ALPK1: variants seen among roughly 807,000 people sequenced by gnomAD.
ALPK1 encodes the protein alpha kinase 1.
ALPK1 carries 110 observed loss-of-function variants against 120.6 expected under a neutral mutation model. That is an observed-to-expected ratio of 0.91 (90% CI 0.78 to 1.07). The LOEUF (loss-of-function observed/expected upper bound fraction) is 1.07, where lower values mean the gene tolerates loss of function less well. Among genes scored for constraint, ALPK1 ranks in the 50% least tolerant of loss-of-function variants. The probability of loss-of-function intolerance (pLI) is 0.00; values close to 1 mark genes in which losing one functional copy is unlikely to be tolerated. For synonymous variants in ALPK1, 582 were observed against 560.3 expected (o/e 1.04, Z -0.55); for missense variants, 1,498 against 1,483.9 (o/e 1.01, Z -0.16).
chr4:112,301,393 G>C (rs959277930), intron 1 of ALPK1, among the ~76,000 whole-genome samples: 7 of 152,108 alleles, frequency 4.6e-5, no homozygotes, highest in African/African-American at 1.7e-4. Flanking sequence ...CTTGGTTTAG[G>C]CTTCTGAAGG....
At chr4:112,308,702 T>G (rs1327773803) in intron 1 of ALPK1, among the ~76,000 whole-genome samples, 1 of 152,124 alleles carries the variant, frequency 6.6e-6, no homozygotes, top group Non-Finnish European at 1.5e-5. Context: ...AACTTCCTCC[T>G]TTAGCTCAGA....
intron 2 of ALPK1, among the ~76,000 whole-genome samples, chr4:112,376,064 G>GC (rs1293372920): frequency 2.6e-5 from 4 of 152,138 alleles, no homozygotes; most frequent in Non-Finnish European, 5.9e-5. Flanking sequence ...CTGGCTCCCA[G>GC]ACAGTTTGTG....
intron 2 of ALPK1, among the ~76,000 whole-genome samples, chr4:112,367,174 A>T (rs964920920): frequency 4.6e-5 from 7 of 152,198 alleles, no homozygotes; most frequent in Non-Finnish European, 1.0e-4. Context: ...GCCAAACACC[A>T]CCTGTTCCCC....
chr4:112,389,205 C>T (rs1732290825), intron 4 of ALPK1, among the ~76,000 whole-genome samples: 4 of 152,112 alleles, frequency 2.6e-5, no homozygotes, highest in Admixed American at 2.6e-4. Context: ...CCACCACTCC[C>T]AGCCAATTTT....
intron 5 of ALPK1, among the ~76,000 whole-genome samples, chr4:112,419,915 C>T (rs763500768): frequency 2.0e-5 from 3 of 152,128 alleles, no homozygotes; most frequent in African/African-American, 4.8e-5. Flanking sequence ...GAACAATGTC[C>T]GTCACATAGT....
At chr4:112,304,532 G>A (rs1486137574) in intron 1 of ALPK1, among the ~76,000 whole-genome samples, 1 of 152,060 alleles carries the variant, frequency 6.6e-6, no homozygotes, top group Non-Finnish European at 1.5e-5. Flanking sequence ...GTGTCTGTTG[G>A]CTGCATAAAT....
At chr4:112,390,522 G>A (rs1254878572) in intron 4 of ALPK1, among the ~76,000 whole-genome samples, 2 of 152,168 alleles carry the variant, frequency 1.3e-5, no homozygotes, top group Non-Finnish European at 2.9e-5. Context: ...TGAGGTCAGG[G>A]CCTTATCTGT....
chr4:112,308,781 T>C (rs28796675), intron 1 of ALPK1, among the ~76,000 whole-genome samples: 7,043 of 152,150 alleles, frequency 0.046, 536 homozygotes, highest in African/African-American at 0.15. Flanking sequence ...CTTTGTTCTG[T>C]TGCTGGAGAG....
At chr4:112,358,266 C>G (rs975482976) in intron 2 of ALPK1, 29 of 589,868 alleles carry the variant, frequency 4.9e-5, no homozygotes, top group Non-Finnish European at 8.3e-5. Flanking sequence ...CAGCTGCCCT[C>G]CTGGGTGCGT....
chr4:112,371,922 A>T (rs1731427551), intron 2 of ALPK1, among the ~76,000 whole-genome samples: 1 of 152,244 alleles, frequency 6.6e-6, no homozygotes, highest in Admixed American at 6.5e-5. Context: ...CTGAGTATGT[A>T]ATTTAAGAGC....
chr4:112,313,521 G>T (rs1177561773), intron 1 of ALPK1, among the ~76,000 whole-genome samples: 3 of 152,204 alleles, frequency 2.0e-5, no homozygotes, highest in African/African-American at 2.4e-5. Context: ...TCAGGAGTTC[G>T]AGACCAGACT....
At chr4:112,355,949 G>C (rs1443793647) in intron 2 of ALPK1, among the ~76,000 whole-genome samples, 1 of 152,250 alleles carries the variant, frequency 6.6e-6, no homozygotes, top group East Asian at 1.9e-4. Context: ...AGGCTGGCCG[G>C]GGAGACAAGA....
rs1734577201 is a variant in ALPK1 at position 112,431,902 on chromosome 4, T to C, written c.2355T>C (p.Val785=). The change falls in exon 11 of 16, where the codon GTT becomes GTC. Residue 785 remains valine (V), a synonymous_variant. Coordinates refer to ENST00000650871, the MANE Select transcript of ALPK1 (RefSeq NM_025144.4). The part of the protein sequence containing the change: ...GPTFKASPSW[V]DPEGETAEST... ...CATTTAAAGCTAGTCCCTCCTGGGTTGACCCAGAAGGAGAAACAGCAGAAA... is the reference window on the plus strand; with the variant it reads ...CATTTAAAGCTAGTCCCTCCTGGGTCGACCCAGAAGGAGAAACAGCAGAAA... 1.2e-6 allele frequency: 2 copies of C among 1,613,926 alleles called. No homozygotes were observed. Among genetic ancestry groups the C allele is most frequent in the South Asian group, 1.1e-5 (1 of 91,094 alleles).
chr4:112,440,812 A>AGAGTGTGTGTGT, intron 14 of ALPK1, 105 bp from the exon 15 acceptor site: 1 of 1,327,248 alleles, frequency 7.5e-7, no homozygotes, highest in Admixed American at 2.9e-5. Context: ...TATCTCTTTA[A>AGAGTGTGTGTGT]GTGTGTGTGT....
rs546335367 is a variant in ALPK1, at chr4:112,439,863, G to A, written c.3529G>A (p.Asp1177Asn). 13 of 1,595,414 alleles carry A rather than the reference G, an allele frequency of 8.1e-6. No homozygotes were observed. Among genetic ancestry groups the A allele is most frequent in the South Asian group, 4.6e-5 (4 of 86,080 alleles). The stretch of plus-strand genomic sequence containing the variant: ...TTCTAATCATAGAGATGTTGTGGTC[G>A]ATTTACAAGGTATGTGAAACTGGGA... Reference protein sequence around the residue: ...EFSNHRDVVVDLQGWVTGNGK... With the variant: ...EFSNHRDVVVNLQGWVTGNGK... Residue 1177 changes from aspartate to asparagine, a missense_variant, in exon 14 of 16, where the codon GAT becomes AAT. Transcript: ENST00000650871.
intron 1 of ALPK1, among the ~76,000 whole-genome samples, chr4:112,311,926 T>A (rs1356033190): frequency 1.3e-5 from 2 of 152,106 alleles, no homozygotes; most frequent in African/African-American, 4.8e-5. Flanking sequence ...CCAAGTTAAC[T>A]GTAACATGAG....
intron 2 of ALPK1, among the ~76,000 whole-genome samples, chr4:112,341,997 C>T (rs1204037569): frequency 1.3e-5 from 2 of 152,116 alleles, no homozygotes; most frequent in Admixed American, 6.6e-5. Flanking sequence ...ATTTGACTTC[C>T]TCTAGAAGCA....
At position 112,431,820 on chromosome 4, in the gene ALPK1, A is replaced by G. The variant is rs1345600596; in HGVS notation, c.2273A>G (p.Lys758Arg). The change falls in exon 11 of 16, where the codon AAA (lysine) becomes AGA (arginine). Residue 758 changes from lysine to arginine, a missense_variant. Lys to Arg is a conservative substitution (Grantham distance 26, BLOSUM62 2). Transcript: ENST00000650871. ...VEFPETNCDV[K>R]DRQGKEQGEE... ...TTTCCAGAAACCAACTGCGATGTCA[A>G]AGACAGGCAGGGGAAAGAGCAGGGA... 1 of 1,614,172 alleles carries G rather than the reference A, an allele frequency of 6.2e-7. No individual in the cohort carries two copies. The highest frequency in any genetic ancestry group is 8.5e-7 in the Non-Finnish European group (1 of 1,180,020).
intron 5 of ALPK1, among the ~76,000 whole-genome samples, chr4:112,418,543 T>A (rs187219646): frequency 3.2e-4 from 48 of 152,298 alleles, no homozygotes; most frequent in African/African-American, 1.0e-3. Context: ...TAGGAAGTGG[T>A]ACCCGCAGTG....
Sources: gnomAD v4.1 joint callset for allele counts (sites outside exome capture counted in the v4.1 genomes callset) on GRCh38, gnomAD v4.1.1 for gene constraint, MANE v1.5 for transcripts, NCBI Gene and HGNC (gene_info 2026-07-23, HGNC 2026-07-21) for gene names.